Variants in CMTM8 observed in about 807,000 individuals in gnomAD.
CMTM8 encodes the protein CKLF like MARVEL transmembrane domain containing 8.
CMTM8 carries 12 observed loss-of-function variants against 18.6 expected under a neutral mutation model. The observed-to-expected ratio is 0.65, with a 90% CI of 0.41 to 1.05. The LOEUF (loss-of-function observed/expected upper bound fraction) is 1.05. Ranked by LOEUF, CMTM8 falls within the 50% of genes least tolerant of loss-of-function variation. The probability of loss-of-function intolerance (pLI) is 0.00; values close to 1 mark genes in which losing one functional copy is unlikely to be tolerated. For synonymous variants in CMTM8, 87 were observed against 90.6 expected (o/e 0.96, Z 0.23); for missense variants, 217 against 227.2 (o/e 0.95, Z 0.29).
At chr3:32,331,388 G>A (rs995706383) in intron 1 of CMTM8, among the ~76,000 whole-genome samples, 127 of 152,190 alleles carry the variant, frequency 8.3e-4, no homozygotes, top group Admixed American at 3.9e-3. Flanking sequence ...TGATGAGGCC[G>A]CTCTGGAAAA....
intron 2 of CMTM8, among the ~76,000 whole-genome samples, chr3:32,361,286 G>GTTTTTTTTTTTGTTTTTTTGTTTT (rs58364646): frequency 3.4e-4 from 30 of 87,264 alleles, no homozygotes; most frequent in African/African-American, 1.0e-3. Context: ...CAGCCTAAGA[G>GTTTTTTTTTTTGTTTTTTTGTTTT]TTTTTTTTTC....
chr3:32,292,298 C>A (rs915917337), intron 1 of CMTM8, among the ~76,000 whole-genome samples: 4 of 152,114 alleles, frequency 2.6e-5, no homozygotes, highest in African/African-American at 9.7e-5. Flanking sequence ...TCAAAGGGAC[C>A]TTGAGCTCCT....
chr3:32,267,697 G>C (rs1200636546), intron 1 of CMTM8, among the ~76,000 whole-genome samples: 1 of 152,044 alleles, frequency 6.6e-6, no homozygotes, highest in Non-Finnish European at 1.5e-5. Context: ...TTTTCAATCT[G>C]CTCACCTAAC....
upstream of CMTM8, chr3:32,238,463 G>C (rs143641158): frequency 0.013 from 2,024 of 152,502 alleles, 23 homozygotes; most frequent in Middle Eastern, 0.024. Context: ...GGCCGGGAGG[G>C]GGAGCGGAAG....
intron 1 of CMTM8, among the ~76,000 whole-genome samples, chr3:32,302,407 T>C (rs868250544): frequency 6.6e-6 from 1 of 152,234 alleles, no homozygotes; most frequent in Non-Finnish European, 1.5e-5. Flanking sequence ...TGCCTCTGTA[T>C]GCTGTTCAGT....
chr3:32,267,356 T>G (rs1324561131), intron 1 of CMTM8, among the ~76,000 whole-genome samples: 1 of 152,208 alleles, frequency 6.6e-6, no homozygotes, highest in Non-Finnish European at 1.5e-5. Context: ...GGGGAAAGGA[T>G]TCCCTATTTA....
intron 1 of CMTM8, among the ~76,000 whole-genome samples, chr3:32,277,149 G>A (rs968760176): frequency 1.3e-5 from 2 of 152,042 alleles, no homozygotes; most frequent in Non-Finnish European, 2.9e-5. Flanking sequence ...AGCCTTCCAC[G>A]TAGCTGGAGC....
At chr3:32,330,413 A>G (rs1696250896) in intron 1 of CMTM8, among the ~76,000 whole-genome samples, 1 of 152,146 alleles carries the variant, frequency 6.6e-6, no homozygotes, top group Non-Finnish European at 1.5e-5. Context: ...TTTGGGCTGT[A>G]GTGAACTATA....
intron 1 of CMTM8, among the ~76,000 whole-genome samples, chr3:32,253,299 G>T (rs1218671420): frequency 6.6e-6 from 1 of 151,024 alleles, no homozygotes; most frequent in African/African-American, 2.4e-5. Flanking sequence ...AATCCTGTCA[G>T]ACCAGCTTTT....
intron 1 of CMTM8, among the ~76,000 whole-genome samples, chr3:32,350,920 A>C (rs1303991886): frequency 6.6e-6 from 1 of 152,086 alleles, no homozygotes; most frequent in Non-Finnish European, 1.5e-5. Flanking sequence ...CAGCCTCCCA[A>C]AGTGCTGGAA....
intron 1 of CMTM8, among the ~76,000 whole-genome samples, chr3:32,291,695 G>T (rs541004878): frequency 6.6e-6 from 1 of 152,188 alleles, no homozygotes; most frequent in African/African-American, 2.4e-5. Context: ...CCAGAAAAAA[G>T]AATGAATCTG....
chr3:32,280,835 G>C (rs1575158039), intron 1 of CMTM8, among the ~76,000 whole-genome samples: 1 of 72,362 alleles, frequency 1.4e-5, no homozygotes, highest in South Asian at 5.0e-4. Flanking sequence ...TCCAACACGA[G>C]AGAAAATAGG....
Position 32,351,065 on chromosome 3 carries a change from C to G in CMTM8, c.148-6308C>G, listed in dbSNP as rs561470333. On this transcript the variant is annotated intron_variant, in intron 1 of 3. Coordinates refer to ENST00000307526, the MANE Select transcript of CMTM8 (RefSeq NM_178868.5). ...GAGGGAGCAAAATTAGGTGTTCAGTCTGATATACTTTCCAATAATGCTAAA... is the reference window on the plus strand; with the variant it reads ...GAGGGAGCAAAATTAGGTGTTCAGTGTGATATACTTTCCAATAATGCTAAA... Among the ~76,000 whole-genome samples, 7 of 152,322 alleles carry G rather than the reference C, an allele frequency of 4.6e-5. No homozygotes were observed. In the South Asian group the frequency reaches 1.5e-3, roughly 32 times the overall value.
intron 1 of CMTM8, among the ~76,000 whole-genome samples, chr3:32,314,236 C>T (rs965894748): frequency 1.6e-4 from 25 of 152,270 alleles, no homozygotes; most frequent in African/African-American, 5.8e-4. Context: ...AAAGGGCAAC[C>T]TTGTTATTCT....
chr3:32,359,943 A>C (rs1696890723), intron 2 of CMTM8, among the ~76,000 whole-genome samples: 1 of 152,146 alleles, frequency 6.6e-6, no homozygotes, highest in South Asian at 2.1e-4. Context: ...TTCCATCAGC[A>C]TTTGTTTTCT....
At chr3:32,367,064 T>A (rs991276937) in intron 2 of CMTM8, among the ~76,000 whole-genome samples, 13 of 152,224 alleles carry the variant, frequency 8.5e-5, no homozygotes, top group African/African-American at 1.7e-4. Context: ...GTCTCCAAGT[T>A]ACTGAGGGAA....
chr3:32,340,222 C>T (rs1696467069), intron 1 of CMTM8, among the ~76,000 whole-genome samples: 1 of 152,168 alleles, frequency 6.6e-6, no homozygotes, highest in Non-Finnish European at 1.5e-5. Flanking sequence ...ACTCTGATCT[C>T]TCGCCATTCA....
Position 32,288,039 on chromosome 3 carries a change from G to A in CMTM8, c.147+48920G>A, listed in dbSNP as rs560544912. Among the ~76,000 whole-genome samples, 5 of 152,150 alleles carry A rather than the reference G, an allele frequency of 3.3e-5. No homozygotes were observed. In the East Asian group the frequency reaches 7.7e-4, roughly 23 times the overall value. ...ATATTTATTTGACATGTTTTATTACGGATCATAAAACTAAAGTTCTGGAAG... is the reference window on the plus strand; with the variant it reads ...ATATTTATTTGACATGTTTTATTACAGATCATAAAACTAAAGTTCTGGAAG... On this transcript the variant is annotated intron_variant, in intron 1 of 3. Transcript: ENST00000307526.
chr3:32,285,288 A>G (rs1305440057), intron 1 of CMTM8, among the ~76,000 whole-genome samples: 7 of 152,200 alleles, frequency 4.6e-5, no homozygotes, highest in African/African-American at 1.7e-4. Context: ...GCCGAGGCGG[A>G]TGGATCACTT....
Sources: gnomAD v4.1 joint callset for allele counts (sites outside exome capture counted in the v4.1 genomes callset) on GRCh38, gnomAD v4.1.1 for gene constraint, MANE v1.5 for transcripts, NCBI Gene and HGNC (gene_info 2026-07-23, HGNC 2026-07-21) for gene names.